The following DPP8 variants were observed in gnomAD, a reference collection of about 807,000 sequenced individuals.
DPP8 encodes the protein dipeptidyl peptidase 8, also known as DPP VIII.
Under a neutral mutation model 107.5 loss-of-function variants are expected in DPP8, and 31 were observed. The observed-to-expected ratio is 0.29, with a 90% CI of 0.22 to 0.39. The LOEUF is 0.39. Ranked by LOEUF, DPP8 falls within the 10% of genes least tolerant of loss-of-function variation. The pLI, the probability that DPP8 is intolerant of heterozygous loss-of-function variation, is 1.00. For synonymous variants in DPP8, 381 were observed against 356.6 expected (o/e 1.07, Z -0.77); for missense variants, 842 against 1,076.1 (o/e 0.78, Z 3.04).
At chr15:65,496,595 T>C (rs974308569) in intron 5 of DPP8, among the ~76,000 whole-genome samples, 1 of 152,200 alleles carries the variant, frequency 6.6e-6, no homozygotes. Context: ...TACATAGTTC[T>C]ACAAAGTTCT....
intron 11 of DPP8, among the ~76,000 whole-genome samples, chr15:65,476,764 C>T (rs1208964773): frequency 1.3e-5 from 2 of 152,120 alleles, no homozygotes; most frequent in Non-Finnish European, 1.5e-5. Context: ...CAGCATTATT[C>T]ACAATAGCCA....
intron 11 of DPP8, chr15:65,475,269 G>C: frequency 1.7e-6 from 1 of 603,150 alleles, no homozygotes; most frequent in East Asian, 3.1e-5. Context: ...AGAGAGGCTA[G>C]AGAGACCCAA....
intron 11 of DPP8, 86 bp from the exon 12 acceptor site, chr15:65,474,374 T>G: frequency 9.7e-7 from 1 of 1,030,122 alleles, no homozygotes; most frequent in Non-Finnish European, 1.5e-6. Flanking sequence ...TAAGCTCTTT[T>G]TTCCAAAAAG....
At chr15:65,474,597 C>T (rs2066214123) in intron 11 of DPP8, among the ~76,000 whole-genome samples, 1 of 152,188 alleles carries the variant, frequency 6.6e-6, no homozygotes, top group African/African-American at 2.4e-5. Flanking sequence ...CCTCCCACCT[C>T]AGCCTCCTGA....
At chr15:65,501,951 G>A (rs144703632) in intron 3 of DPP8, among the ~76,000 whole-genome samples, 12 of 152,270 alleles carry the variant, frequency 7.9e-5, no homozygotes, top group African/African-American at 2.4e-4. Context: ...GTGCCGTGGC[G>A]TGATCTCAGC....
intron 8 of DPP8, among the ~76,000 whole-genome samples, chr15:65,482,337 A>G (rs2067005186): frequency 6.6e-6 from 1 of 152,106 alleles, no homozygotes; most frequent in African/African-American, 2.4e-5. Flanking sequence ...GCTGTAGTGC[A>G]GTGGCGCCAT....
intron 12 of DPP8, among the ~76,000 whole-genome samples, chr15:65,472,441 G>A (rs541691279): frequency 3.3e-5 from 5 of 151,902 alleles, no homozygotes; most frequent in Admixed American, 6.6e-5. Context: ...CTACAGGTGC[G>A]CATCACCATG....
intron 1 of DPP8, among the ~76,000 whole-genome samples, chr15:65,514,358 T>A (rs2071176094): frequency 6.6e-6 from 1 of 152,162 alleles, no homozygotes; most frequent in African/African-American, 2.4e-5. Context: ...GTCATTTAGT[T>A]CAAGGAGTAT....
At chr15:65,461,878 C>T (rs1325825160) in intron 15 of DPP8, among the ~76,000 whole-genome samples, 1 of 151,520 alleles carries the variant, frequency 6.6e-6, no homozygotes, top group Non-Finnish European at 1.5e-5. Context: ...GGATTACAGG[C>T]TTGAGCCATC....
At chr15:65,480,524 T>G (rs1374403027) in intron 9 of DPP8, 125 bp from the exon 10 acceptor site, 1 of 543,994 alleles carries the variant, frequency 1.8e-6, no homozygotes, top group East Asian at 2.9e-5. Context: ...TGCTTTAGTG[T>G]ATATTAAATT....
intron 6 of DPP8, 116 bp from the exon 7 acceptor site, chr15:65,487,934 T>C: frequency 1.4e-6 from 1 of 712,422 alleles, no homozygotes; most frequent in Non-Finnish European, 2.3e-6. Context: ...ATGTATAAAA[T>C]ATGCTGCCTT....
intron 4 of DPP8, among the ~76,000 whole-genome samples, chr15:65,499,872 T>C (rs1424420531): frequency 2.6e-5 from 4 of 152,150 alleles, no homozygotes; most frequent in Admixed American, 6.6e-5. Context: ...GACCTAAAAA[T>C]GGTATCTTAA....
At chr15:65,495,777 G>A (rs1338322279) in intron 5 of DPP8, among the ~76,000 whole-genome samples, 1 of 151,580 alleles carries the variant, frequency 6.6e-6, no homozygotes, top group African/African-American at 2.4e-5. Flanking sequence ...AGCTACTCGG[G>A]AGGCTGAGGC....
intron 6 of DPP8, among the ~76,000 whole-genome samples, chr15:65,489,630 G>A (rs1161175616): frequency 6.7e-6 from 1 of 150,170 alleles, no homozygotes; most frequent in South Asian, 2.1e-4. Flanking sequence ...GTGTTAGCCA[G>A]GATGGTCTCG....
intron 3 of DPP8, among the ~76,000 whole-genome samples, chr15:65,506,426 G>C (rs1275031278): frequency 6.6e-6 from 1 of 151,640 alleles, no homozygotes; most frequent in African/African-American, 2.4e-5. Flanking sequence ...TTATCTTTGG[G>C]ATATTTTCAA....
Position 65,507,279 on chromosome 15 carries a change from T to A in DPP8, c.336A>T (p.Leu112Phe), listed in dbSNP as rs377607090. ...CCAAAAGAGGCTTCCAAGAGAGCAT[T>A]AAGACTGCTGCTCTATTGATAGTTT... ...IPKTINRAAV[L>F]MLSWKPLLDL... The change falls in exon 3 of 20, where the codon TTA (leucine) becomes TTT (phenylalanine). Residue 112 changes from leucine (L) to phenylalanine (F), a missense_variant. Leu to Phe is a conservative substitution (Grantham distance 22). Around this residue, in one of 2 missense-constraint regions of DPP8, gnomAD observed 663 missense variants for 758.0 expected, o/e 0.87. Coordinates refer to ENST00000300141, the MANE Select transcript of DPP8 (RefSeq NM_130434.5). 1.2e-6 allele frequency: 2 copies of A among 1,611,030 alleles called. No homozygotes were observed. The highest frequency in any genetic ancestry group is 2.7e-5 in the African/African-American group (2 of 74,740).
chr15:65,477,266 A>G (rs1380137074), intron 11 of DPP8, among the ~76,000 whole-genome samples: 1 of 152,044 alleles, frequency 6.6e-6, no homozygotes, highest in East Asian at 1.9e-4. Flanking sequence ...ATGGTGGTGC[A>G]TGCCTATAAT....
chr15:65,472,684 T>C (rs2065998526), intron 12 of DPP8, among the ~76,000 whole-genome samples: 1 of 152,166 alleles, frequency 6.6e-6, no homozygotes, highest in Admixed American at 6.6e-5. Flanking sequence ...CTTACAACTT[T>C]TGCTAGGCTC....
intron 13 of DPP8, 112 bp downstream of exon 13, chr15:65,466,959 T>C (rs2065415200): frequency 1.4e-6 from 2 of 1,460,374 alleles, no homozygotes; most frequent in African/African-American, 1.4e-5. Context: ...TTTTAAAGCT[T>C]TTCCTTAGAG....
Sources: allele counts gnomAD v4.1 joint callset (sites outside exome capture counted in the v4.1 genomes callset), GRCh38; gene constraint gnomAD v4.1.1; regional missense constraint gnomAD v4.1.1; transcripts MANE v1.5; gene names NCBI Gene and HGNC (gene_info 2026-07-23, HGNC 2026-07-21).